Variants in RALYL observed in about 807,000 individuals in gnomAD.
RALYL encodes the protein RALY RNA binding protein like.
A neutral mutation model predicts 35.1 loss-of-function variants in RALYL; 29 were observed. The observed-to-expected ratio is 0.83, with a 90% CI of 0.61 to 1.13. The LOEUF (loss-of-function observed/expected upper bound fraction) is 1.13. Ranked by LOEUF, RALYL falls within the 50% of genes most tolerant of loss-of-function variation. The pLI, the probability that RALYL is intolerant of heterozygous loss-of-function variation, is 0.00. For synonymous variants in RALYL, 120 were observed against 127.6 expected, an observed-to-expected ratio of 0.94 and a Z score of 0.40; for missense variants, 359 against 360.4, an observed-to-expected ratio of 1.00 and a Z score of 0.03.
At chr8:84,265,158 C>T (rs1057356023) in intron 1 of RALYL, among the ~76,000 whole-genome samples, 2 of 152,108 alleles carry the variant, frequency 1.3e-5, no homozygotes, top group Admixed American at 1.3e-4. Flanking sequence ...ATTAACAGCC[C>T]CCTAAAGTTG....
At chr8:84,841,891 G>C (rs1489097822) in intron 4 of RALYL, among the ~76,000 whole-genome samples, 1 of 152,194 alleles carries the variant, frequency 6.6e-6, no homozygotes, top group Non-Finnish European at 1.5e-5. Flanking sequence ...TGAAATGAAA[G>C]CAGAAATAAA....
intron 3 of RALYL, among the ~76,000 whole-genome samples, chr8:84,779,877 G>A (rs888276166): frequency 6.6e-6 from 1 of 152,148 alleles, no homozygotes; most frequent in Admixed American, 6.5e-5. Context: ...CACCTAAAAT[G>A]TTCCCTAGAA....
At chr8:84,740,741 G>A (rs1222312488) in intron 2 of RALYL, among the ~76,000 whole-genome samples, 3 of 152,044 alleles carry the variant, frequency 2.0e-5, no homozygotes, top group Non-Finnish European at 2.9e-5. Context: ...ATTGTGTAGT[G>A]TGGATAAAAT....
intron 1 of RALYL, among the ~76,000 whole-genome samples, chr8:84,430,367 G>C (rs564569878): frequency 1.3e-5 from 2 of 152,082 alleles, no homozygotes; most frequent in Non-Finnish European, 2.9e-5. Flanking sequence ...TTTCTTTGGG[G>C]AATATTCATT....
chr8:84,557,743 T>C (rs2061227098), intron 2 of RALYL, among the ~76,000 whole-genome samples: 2 of 152,172 alleles, frequency 1.3e-5, no homozygotes, highest in South Asian at 4.1e-4. Flanking sequence ...TATAGAAAAT[T>C]GTTGCTATGA....
chr8:84,489,127 C>G (rs1346140727), intron 1 of RALYL, among the ~76,000 whole-genome samples: 2 of 152,080 alleles, frequency 1.3e-5, no homozygotes, highest in Admixed American at 1.3e-4. Context: ...GTAGAGTTTC[C>G]TATCAAATAT....
chr8:84,408,958 T>C (rs1041766453), intron 1 of RALYL, among the ~76,000 whole-genome samples: 1 of 152,154 alleles, frequency 6.6e-6, no homozygotes, highest in Non-Finnish European at 1.5e-5. Flanking sequence ...TTTTTAATAG[T>C]ATCACCCTTA....
chr8:84,211,018 C>T (rs937000489), intron 1 of RALYL, among the ~76,000 whole-genome samples: 2 of 151,898 alleles, frequency 1.3e-5, no homozygotes, highest in African/African-American at 2.4e-5. Context: ...TTTATGATCA[C>T]CAATAAAAAA....
intron 2 of RALYL, among the ~76,000 whole-genome samples, chr8:84,541,081 T>C (rs527721908): frequency 1.6e-4 from 25 of 152,046 alleles, no homozygotes; most frequent in African/African-American, 5.5e-4. Flanking sequence ...ATTTTCTCTA[T>C]GGCATGTTTG....
intron 1 of RALYL, among the ~76,000 whole-genome samples, chr8:84,429,425 A>G (rs558658066): frequency 3.3e-5 from 5 of 152,298 alleles, no homozygotes; most frequent in East Asian, 3.9e-4. Flanking sequence ...TGAAGTCCCA[A>G]TGCATTTTGG....
intron 2 of RALYL, among the ~76,000 whole-genome samples, chr8:84,575,739 GGTAA>G (rs1809237414): frequency 6.6e-6 from 1 of 152,098 alleles, no homozygotes; most frequent in South Asian, 2.1e-4. Flanking sequence ...TGAAAATTAA[GGTAA>G]GTGATTTTGG....
intron 8 of RALYL, among the ~76,000 whole-genome samples, chr8:84,907,867 A>G (rs1846797885): frequency 6.6e-6 from 1 of 152,132 alleles, no homozygotes; most frequent in African/African-American, 2.4e-5. Context: ...CAAAATTTAA[A>G]AAAAAACCTT....
At chr8:84,486,750 C>G (rs993884094) in intron 1 of RALYL, among the ~76,000 whole-genome samples, 1 of 151,848 alleles carries the variant, frequency 6.6e-6, no homozygotes, top group South Asian at 2.1e-4. Context: ...ATTTTGTTTT[C>G]TTTTTATAAT....
chr8:84,552,359 T>TATATATTTA, intron 2 of RALYL, among the ~76,000 whole-genome samples: 1 of 35,174 alleles, frequency 2.8e-5, no homozygotes, highest in African/African-American at 1.2e-4. Context: ...TATATATATA[T>TATATATTTA]TTTTTTTTTT....
intron 1 of RALYL, among the ~76,000 whole-genome samples, chr8:84,474,949 A>G (rs1053898647): frequency 1.4e-5 from 2 of 142,934 alleles, no homozygotes; most frequent in Admixed American, 1.5e-4. Flanking sequence ...TCTAGGGTAC[A>G]TGGGCACAAT....
chr8:84,478,427 A>C (rs2053659177), intron 1 of RALYL, among the ~76,000 whole-genome samples: 1 of 152,208 alleles, frequency 6.6e-6, no homozygotes, highest in Non-Finnish European at 1.5e-5. Flanking sequence ...TAGAAAAGTT[A>C]ATGTAATGAA....
At chr8:84,533,634 T>C (rs376017687) in intron 2 of RALYL, among the ~76,000 whole-genome samples, 2 of 152,286 alleles carry the variant, frequency 1.3e-5, no homozygotes, top group African/African-American at 4.8e-5. Flanking sequence ...CTGAAACCCA[T>C]ATGCAGGCCC....
intron 1 of RALYL, among the ~76,000 whole-genome samples, chr8:84,491,733 G>A (rs1587741786): frequency 6.6e-6 from 1 of 151,976 alleles, no homozygotes; most frequent in African/African-American, 2.4e-5. Context: ...TTTCTTGGAT[G>A]TCTTATAAGA....
At chr8:84,361,660 C>A (rs970389953) in intron 1 of RALYL, among the ~76,000 whole-genome samples, 2 of 152,114 alleles carry the variant, frequency 1.3e-5, no homozygotes, top group African/African-American at 4.8e-5. Context: ...CAAGCTGAGT[C>A]ATACACACAA....
Sources: allele counts gnomAD v4.1 joint callset (sites outside exome capture counted in the v4.1 genomes callset), GRCh38; gene constraint gnomAD v4.1.1; transcripts MANE v1.5; gene names NCBI Gene and HGNC (gene_info 2026-07-23, HGNC 2026-07-21).